RBM33: variants seen among roughly 807,000 people sequenced by gnomAD.
RBM33 encodes RNA-binding protein 33.
In RBM33, 28 loss-of-function variants were observed where a neutral mutation model predicts 132.6. The ratio of observed to expected loss-of-function variants is 0.21; its 90% confidence interval spans 0.16 to 0.29. The LOEUF (loss-of-function observed/expected upper bound fraction) is 0.29. Among genes scored for constraint, RBM33 ranks in the 10% least tolerant of loss-of-function variants. The pLI, the probability that RBM33 is intolerant of heterozygous loss-of-function variation, is 1.00. For synonymous variants in RBM33, 634 were observed against 593.0 expected, an observed-to-expected ratio of 1.07 and a Z score of -1.01; for missense variants, 1,291 against 1,518.5, an observed-to-expected ratio of 0.85 and a Z score of 2.49.
intron 1 of RBM33, among the ~76,000 whole-genome samples, chr7:155,646,939 A>C (rs1348528559): frequency 6.6e-6 from 1 of 152,252 alleles, no homozygotes; most frequent in African/African-American, 2.4e-5. Context: ...TACGAATAGG[A>C]AATAATATAA....
chr7:155,768,856 G>T (rs187424079), intron 16 of RBM33, among the ~76,000 whole-genome samples: 3 of 151,892 alleles, frequency 2.0e-5, no homozygotes, highest in Non-Finnish European at 4.4e-5. Flanking sequence ...CTCGTGATCC[G>T]CCCGCCTCAG....
In RBM33 at chr7:155,763,898, C is replaced by A; in HGVS notation, c.3066C>A (p.Arg1022=). 1 of 1,610,232 alleles carries A rather than the reference C, an allele frequency of 6.2e-7. No individual in the cohort carries two copies. The highest frequency in any genetic ancestry group is 8.5e-7 in the Non-Finnish European group (1 of 1,178,396). The change falls in exon 15 of 18, where the codon CGC becomes CGA. Residue 1022 remains arginine (R), a synonymous_variant. Coordinates refer to ENST00000401878, the MANE Select transcript of RBM33 (RefSeq NM_053043.3). ...QPPEVGPQPA[R]KVTLTRGGLQ... ...CGGAAGTGGGACCACAGCCTGCCCG[C>A]AAGGTGACGCTGACCAGGGGGGGCC...
At chr7:155,689,201 G>A (rs1489560746) in intron 5 of RBM33, among the ~76,000 whole-genome samples, 1 of 152,176 alleles carries the variant, frequency 6.6e-6, no homozygotes, top group Non-Finnish European at 1.5e-5. Flanking sequence ...TTAGTCTTGG[G>A]AGTGTGTATG....
At chr7:155,762,103 C>A (rs187279516) in intron 14 of RBM33, among the ~76,000 whole-genome samples, 140 of 152,358 alleles carry the variant, frequency 9.2e-4, no homozygotes, top group African/African-American at 3.2e-3. Context: ...TGCATGGCCC[C>A]CCATGGCCAG....
chr7:155,652,621 A>G (rs1332190645), intron 1 of RBM33, among the ~76,000 whole-genome samples: 1 of 152,246 alleles, frequency 6.6e-6, no homozygotes, highest in Non-Finnish European at 1.5e-5. Context: ...AATCTAGTAG[A>G]TATCTTCAGT....
chr7:155,745,662 A>G lies in RBM33; in HGVS notation c.2979+60A>G. On this transcript the variant is annotated intron_variant, in intron 14 of 17. Coordinates refer to ENST00000401878, the MANE Select transcript of RBM33 (RefSeq NM_053043.3). The surrounding 1 kb of genome is among the most constrained non-coding windows in gnomAD (Gnocchi z 4.1). ...TCTGTGTATCACATAGAATGTCCTC[A>G]TTTGCAGAGAATGTTTTTGAAGAAA... 7.2e-7 allele frequency: 1 copy of G among 1,392,924 alleles called. No individual in the cohort carries two copies. The highest frequency in any genetic ancestry group is 2.4e-5 in the East Asian group (1 of 40,926). 86.3% of individuals were successfully genotyped at this position (1,392,924 alleles called of 1,614,324 possible). A position where few individuals can be genotyped will look rare whatever the true frequency, so the allele number is the denominator to read the frequency against.
At position 155,737,251 on chromosome 7, in the gene RBM33, T is replaced by C. The variant is rs568853123; in HGVS notation, c.1261-279T>C. On this transcript the variant is annotated intron_variant, in intron 9 of 17. Coordinates refer to ENST00000401878, the MANE Select transcript of RBM33 (RefSeq NM_053043.3). The stretch of plus-strand genomic sequence containing the variant: ...GCGCTACCATCTAGGTGCGCGTGTG[T>C]GTGTGTGTGTGTGTGATTACAATAC... Among the ~76,000 whole-genome samples, 215 of 150,972 alleles carry C rather than the reference T, an allele frequency of 1.4e-3. 4 individuals are homozygous for C. Among genetic ancestry groups the C allele is most frequent in the African/African-American group, 5.0e-3 (205 of 40,766 alleles).
chr7:155,698,733 G>T (rs1222258810), intron 5 of RBM33, among the ~76,000 whole-genome samples: 1 of 152,140 alleles, frequency 6.6e-6, no homozygotes, highest in East Asian at 1.9e-4. Context: ...GTGTAATTTT[G>T]TTCCTTGGAG....
At chr7:155,707,265 TG>T (rs1372945119) in intron 7 of RBM33, 197 bp downstream of exon 7, 1 of 686,004 alleles carries the variant, frequency 1.5e-6, no homozygotes, top group Admixed American at 2.0e-5. Context: ...TCCAGTCATC[TG>T]GTAGTAAGAA....
At chr7:155,747,723 A>G (rs987230029) in intron 14 of RBM33, among the ~76,000 whole-genome samples, 11 of 152,232 alleles carry the variant, frequency 7.2e-5, no homozygotes, top group Non-Finnish European at 1.5e-4. Context: ...TTAAGTGTCA[A>G]CTAGCCCACA....
chr7:155,740,613 C>G (rs780085786), intron 12 of RBM33, among the ~76,000 whole-genome samples: 39 of 152,176 alleles, frequency 2.6e-4, no homozygotes, highest in Non-Finnish European at 4.4e-4. Context: ...AAATGTGTGA[C>G]TTGTCGTGCA....
intron 5 of RBM33, among the ~76,000 whole-genome samples, chr7:155,690,208 C>T (rs1799595335): frequency 6.6e-6 from 1 of 152,088 alleles, no homozygotes; most frequent in Admixed American, 6.6e-5. Flanking sequence ...TGAATTGATC[C>T]CTTTACCATT....
In RBM33 at chr7:155,684,897, A is replaced by G. The variant is rs539451090; in HGVS notation, c.567+3989A>G. On this transcript the variant is annotated intron_variant, in intron 5 of 17. Coordinates refer to ENST00000401878, the MANE Select transcript of RBM33 (RefSeq NM_053043.3). ...CGTAAAAAAACCACCCCAAAGCTGT[A>G]TGAGAAAAACTTGTTTTCTCTTTAA... 1.1e-5 allele frequency: 17 copies of G among 1,543,424 alleles called. No homozygotes were observed. The Admixed American group carries it at 1.2e-4, about 11-fold the overall frequency.
At chr7:155,729,078 T>TA (rs969413227) in intron 9 of RBM33, among the ~76,000 whole-genome samples, 13 of 152,100 alleles carry the variant, frequency 8.5e-5, no homozygotes, top group Non-Finnish European at 1.0e-4. Context: ...TCAGGAAACT[T>TA]ACAATCATGA....
chr7:155,697,263 C>T lies in RBM33; in HGVS notation c.568-3510C>T, dbSNP rs191950829. Reference sequence around the variant, plus strand: ...GATTTGACTGATTTTTGAGTGTTAACGTCATGTTTCTGGATAAACCCCACT... The same window carrying T: ...GATTTGACTGATTTTTGAGTGTTAATGTCATGTTTCTGGATAAACCCCACT... On this transcript the variant is annotated intron_variant, in intron 5 of 17. Coordinates refer to ENST00000401878, the MANE Select transcript of RBM33 (RefSeq NM_053043.3). Among the ~76,000 whole-genome samples, 216 of 152,206 alleles carry T rather than the reference C, an allele frequency of 1.4e-3. 4 individuals carry two copies. Among genetic ancestry groups the T allele is most frequent in the African/African-American group, 5.0e-3 (206 of 41,538 alleles).
chr7:155,673,625 TACACACATATAC>T (rs1799036515), intron 3 of RBM33, among the ~76,000 whole-genome samples: 3 of 30,046 alleles, frequency 1.0e-4, no homozygotes, highest in East Asian at 9.2e-4. Flanking sequence ...TGTATATATA[TACACACATATAC>T]ATACACACGT....
In RBM33 at chr7:155,673,760, G is replaced by GCGCA. The variant is rs1202897051; in HGVS notation, c.171+846_171+847insGCAC. The stretch of plus-strand genomic sequence containing the variant: ...TACATACACACGTGTATATACGCGC[G>GCGCA]CATGCGCGCACACACACACACACAC... On this transcript the variant is annotated intron_variant, in intron 3 of 17. Transcript: ENST00000401878. Among the ~76,000 whole-genome samples the GCGCA allele has an allele frequency of 3.2e-3, 98 of 30,896 alleles. 2 individuals are homozygous for GCGCA. The highest frequency in any genetic ancestry group is 5.5e-3 in the Non-Finnish European group (68 of 12,378). 20.3% of individuals were successfully genotyped at this position (30,896 alleles called of 152,430 possible).
intron 5 of RBM33, among the ~76,000 whole-genome samples, chr7:155,685,688 G>A (rs1466134897): frequency 2.0e-5 from 3 of 152,192 alleles, no homozygotes; most frequent in African/African-American, 7.2e-5. Context: ...ACTGAGAAAG[G>A]TGGGGTGAGG....
rs930042557 is a variant in RBM33, at chr7:155,763,907, G to A, written c.3075G>A (p.Thr1025=). 72 of 1,608,844 alleles carry A rather than the reference G, an allele frequency of 4.5e-5. No homozygotes were observed. The highest frequency in any genetic ancestry group is 5.9e-5 in the Non-Finnish European group (69 of 1,177,842). ...EVGPQPARKV[T]LTRGGLQQPP... ...GACCACAGCCTGCCCGCAAGGTGAC[G>A]CTGACCAGGGGGGGCCTCCAGCAGC... The change falls in exon 15 of 18, where the codon ACG becomes ACA. Residue 1025 remains threonine (T), a synonymous_variant. Transcript: ENST00000401878.
Sources: allele counts gnomAD v4.1 joint callset (sites outside exome capture counted in the v4.1 genomes callset), GRCh38; gene constraint gnomAD v4.1.1; non-coding constraint Gnocchi (gnomAD v3.1); transcripts MANE v1.5; gene names NCBI Gene and HGNC (gene_info 2026-07-23, HGNC 2026-07-21).